The following LYN variants were observed in gnomAD, a reference collection of about 807,000 sequenced individuals.
LYN encodes the protein LYN proto-oncogene, Src family tyrosine kinase, also known as tyrosine-protein kinase Lyn.
LYN carries 12 observed loss-of-function variants against 65.0 expected under a neutral mutation model. That is an observed-to-expected ratio of 0.18 (90% CI 0.12 to 0.30). The LOEUF is 0.30. Ranked by LOEUF, LYN falls within the 10% of genes least tolerant of loss-of-function variation. The pLI, the probability that LYN is intolerant of heterozygous loss-of-function variation, is 1.00. For synonymous variants in LYN, 222 were observed against 221.2 expected, an observed-to-expected ratio of 1.00 and a Z score of -0.03; for missense variants, 380 against 623.2, an observed-to-expected ratio of 0.61 and a Z score of 4.16.
intron 1 of LYN, among the ~76,000 whole-genome samples, chr8:55,885,585 T>A (rs914195313): frequency 9.9e-5 from 15 of 152,208 alleles, no homozygotes; most frequent in Admixed American, 8.5e-4. Flanking sequence ...GTGTATTCAT[T>A]CTGCCTCCCA....
At chr8:55,902,738 C>T (rs1805307035) in intron 1 of LYN, 4 of 500,504 alleles carry the variant, frequency 8.0e-6, no homozygotes, top group Non-Finnish European at 1.6e-5. Context: ...TTACAGGTCT[C>T]ATTGTCACCA....
intron 1 of LYN, among the ~76,000 whole-genome samples, chr8:55,941,175 C>G (rs1243186917): frequency 6.6e-6 from 1 of 152,162 alleles, no homozygotes; most frequent in Non-Finnish European, 1.5e-5. Flanking sequence ...TCAAGGCCCC[C>G]CACCCCACTC....
intron 1 of LYN, 56 bp downstream of exon 1, chr8:55,880,159 G>T: frequency 5.1e-6 from 1 of 197,872 alleles, no homozygotes; most frequent in Middle Eastern, 1.1e-3. Context: ...AGTGGGTGCA[G>T]GGGCCGCGGC....
At chr8:55,914,089 GGTT>G (rs1170629563) in intron 1 of LYN, among the ~76,000 whole-genome samples, 6 of 151,896 alleles carry the variant, frequency 4.0e-5, no homozygotes, top group African/African-American at 7.3e-5. Context: ...AGAGGTGGAG[GGTT>G]GTTGTTGGTG....
intron 1 of LYN, among the ~76,000 whole-genome samples, chr8:55,902,493 A>G (rs1051755424): frequency 7.2e-5 from 11 of 151,738 alleles, no homozygotes; most frequent in Admixed American, 2.0e-4. Context: ...ACGCCCAGCT[A>G]ATTTTTTTTT....
intron 9 of LYN, among the ~76,000 whole-genome samples, chr8:55,968,995 T>G (rs1807534563): frequency 6.6e-6 from 1 of 152,222 alleles, no homozygotes; most frequent in Non-Finnish European, 1.5e-5. Flanking sequence ...CAAATATTCT[T>G]TGAGGCTGGG....
At chr8:55,991,392 G>T (rs73679618) in intron 10 of LYN, among the ~76,000 whole-genome samples, 17 of 152,300 alleles carry the variant, frequency 1.1e-4, no homozygotes, top group African/African-American at 3.6e-4. Context: ...CAGCTGACTG[G>T]CAGTGGAGGA....
intron 1 of LYN, among the ~76,000 whole-genome samples, chr8:55,915,818 G>C (rs1805766066): frequency 6.6e-6 from 1 of 151,834 alleles, no homozygotes; most frequent in Non-Finnish European, 1.5e-5. Context: ...AGAGAGAAGA[G>C]AGAAAGAGAG....
intron 11 of LYN, 46 bp from the exon 12 acceptor site, chr8:55,999,372 T>A (rs1441557340): frequency 3.8e-6 from 6 of 1,572,622 alleles, no homozygotes; most frequent in Non-Finnish European, 5.2e-6. Flanking sequence ...GACTTTTTTG[T>A]TTAAGTTTAA....
In LYN at chr8:55,880,079, G is replaced by A. The variant is rs1801117826; in HGVS notation, c.-30G>A. ...ACTCAAGTCACCGTGGAGCTCCGCC[G>A]CCCCGAAACTTTCACCGCGAGCGGG... is the stretch of plus-strand genomic sequence containing the variant. On this transcript the variant is annotated 5_prime_UTR_variant, in exon 1 of 13. Transcript: ENST00000519728. 9.6e-6 allele frequency: 3 copies of A among 311,644 alleles called. No individual in the cohort carries two copies. Among genetic ancestry groups the A allele is most frequent in the Non-Finnish European group, 1.3e-5 (2 of 153,692 alleles). 19.3% of individuals were successfully genotyped at this position (311,644 alleles called of 1,614,324 possible). A position where few individuals can be genotyped will look rare whatever the true frequency, so the allele number is the denominator to read the frequency against.
intron 10 of LYN, among the ~76,000 whole-genome samples, chr8:55,973,957 AGTT>A (rs930497911): frequency 2.6e-5 from 4 of 152,226 alleles, no homozygotes; most frequent in African/African-American, 7.2e-5. Flanking sequence ...GCAAAATCAG[AGTT>A]GTTGTAATTA....
intron 7 of LYN, among the ~76,000 whole-genome samples, chr8:55,953,097 T>C (rs950084876): frequency 1.3e-5 from 2 of 152,156 alleles, no homozygotes; most frequent in African/African-American, 4.8e-5. Flanking sequence ...GCCCTCCCAT[T>C]CCTGTGTGCA....
At chr8:55,905,957 T>C (rs1294870592) in intron 1 of LYN, among the ~76,000 whole-genome samples, 1 of 152,242 alleles carries the variant, frequency 6.6e-6, no homozygotes, top group Non-Finnish European at 1.5e-5. Context: ...AAGGAGCATG[T>C]AGTCAGAAAC....
At chr8:55,906,271 G>C (rs771684052) in intron 1 of LYN, among the ~76,000 whole-genome samples, 30 of 152,286 alleles carry the variant, frequency 2.0e-4, no homozygotes, top group African/African-American at 6.7e-4. Flanking sequence ...GCTCATGCCT[G>C]TAATACCAGT....
intron 1 of LYN, among the ~76,000 whole-genome samples, chr8:55,931,329 A>T (rs1231522121): frequency 6.6e-6 from 1 of 150,610 alleles, no homozygotes; most frequent in East Asian, 1.9e-4. Flanking sequence ...AATAAAATAC[A>T]TTGATACTTG....
At chr8:55,934,899 C>T (rs1002702395) in intron 1 of LYN, among the ~76,000 whole-genome samples, 3 of 152,200 alleles carry the variant, frequency 2.0e-5, no homozygotes, top group Non-Finnish European at 2.9e-5. Context: ...ACCTCTTTCT[C>T]ACTTCTCCTA....
chr8:55,960,404 GA>G (rs1216159898), intron 8 of LYN, among the ~76,000 whole-genome samples: 1 of 152,098 alleles, frequency 6.6e-6, no homozygotes, highest in Non-Finnish European at 1.5e-5. Context: ...AAATAGAAGA[GA>G]AAAAAATAGA....
rs527418955 is a variant in LYN, at chr8:55,898,371, C to T, written c.-6+18268C>T. ...TGGCACACTCTTGGCTCACTGCAAC[C>T]TCCGCCTTCCGTGTTCAAGCAATCC... On this transcript the variant is annotated intron_variant, in intron 1 of 12. Coordinates refer to ENST00000519728, the MANE Select transcript of LYN (RefSeq NM_002350.4). 1.9e-3 allele frequency among the ~76,000 whole-genome samples: 286 copies of T among 152,182 alleles called. 2 individuals carry two copies. In the South Asian group the frequency reaches 0.02, roughly 10 times the overall value.
intron 1 of LYN, among the ~76,000 whole-genome samples, chr8:55,914,536 G>A (rs1805732132): frequency 6.6e-6 from 1 of 152,152 alleles, no homozygotes; most frequent in Admixed American, 6.5e-5. Flanking sequence ...GGCCTGGGTA[G>A]GTCACAGCCC....
Sources: gnomAD v4.1 joint callset for allele counts (sites outside exome capture counted in the v4.1 genomes callset) on GRCh38, gnomAD v4.1.1 for gene constraint, MANE v1.5 for transcripts, NCBI Gene and HGNC (gene_info 2026-07-23, HGNC 2026-07-21) for gene names.